The following RAPGEF6 variants were observed in gnomAD, a reference collection of about 807,000 sequenced individuals.
RAPGEF6 encodes the protein Rap guanine nucleotide exchange factor 6, also known as PDZ domain containing guanine nucleotide exchange factor (GEF) 2.
RAPGEF6 carries 56 observed loss-of-function variants against 171.4 expected under a neutral mutation model. The ratio of observed to expected loss-of-function variants is 0.33; its 90% confidence interval spans 0.26 to 0.41. RAPGEF6 has a LOEUF of 0.41. Among genes scored for constraint, RAPGEF6 ranks in the 10% least tolerant of loss-of-function variants. The pLI, the probability that RAPGEF6 is intolerant of heterozygous loss-of-function variation, is 1.00. For synonymous variants in RAPGEF6, 692 were observed against 650.1 expected (o/e 1.06, Z -0.98); for missense variants, 1,674 against 1,921.4 (o/e 0.87, Z 2.41).
At position 131,453,708 on chromosome 5, in the gene RAPGEF6, G is replaced by T. The variant is rs1753274530; in HGVS notation, c.3077-531C>A. 2.6e-5 allele frequency among the ~76,000 whole-genome samples: 4 copies of T among 152,188 alleles called. No homozygotes were observed. The South Asian group carries it at 8.3e-4, about 31-fold the overall frequency. ...AGCATGACCCCATTTATCCCCCGAG[G>T]TAGACCCTGAGGTCTGTCAAAGTCC... On this transcript the variant is annotated intron_variant, in intron 20 of 27. Transcript: ENST00000509018.
At chr5:131,515,373 T>C (rs1056646631) in intron 7 of RAPGEF6, among the ~76,000 whole-genome samples, 7 of 152,150 alleles carry the variant, frequency 4.6e-5, no homozygotes, top group African/African-American at 1.7e-4. Context: ...GCAGGCAAAA[T>C]CAAGTCTCTT....
intron 4 of RAPGEF6, among the ~76,000 whole-genome samples, chr5:131,569,702 A>G (rs531035022): frequency 1.4e-4 from 21 of 152,290 alleles, no homozygotes; most frequent in Non-Finnish European, 5.9e-5. Flanking sequence ...CTTAAAGTAG[A>G]TATCATCAAT....
intron 4 of RAPGEF6, among the ~76,000 whole-genome samples, chr5:131,567,687 T>G (rs1231843284): frequency 6.6e-6 from 1 of 152,154 alleles, no homozygotes; most frequent in Non-Finnish European, 1.5e-5. Flanking sequence ...GAATGACCCA[T>G]AAATCTTGAA....
At chr5:131,632,380 A>C (rs1396171738) in intron 1 of RAPGEF6, among the ~76,000 whole-genome samples, 1 of 152,190 alleles carries the variant, frequency 6.6e-6, no homozygotes, top group Non-Finnish European at 1.5e-5. Flanking sequence ...CATCACATGC[A>C]TCAAGTCTTT....
At chr5:131,617,605 A>G (rs1561611535) in intron 1 of RAPGEF6, among the ~76,000 whole-genome samples, 1 of 150,826 alleles carries the variant, frequency 6.6e-6, no homozygotes, top group Non-Finnish European at 1.5e-5. Context: ...GGCGCCCACC[A>G]CCACCCCCAG....
chr5:131,502,105 C>T (rs1757060638), intron 11 of RAPGEF6, among the ~76,000 whole-genome samples: 1 of 152,054 alleles, frequency 6.6e-6, no homozygotes, highest in Non-Finnish European at 1.5e-5. Context: ...GTTTAAGAGT[C>T]CCACTACCTA....
chr5:131,528,205 A>G (rs1759063707), intron 6 of RAPGEF6, among the ~76,000 whole-genome samples: 1 of 125,824 alleles, frequency 7.9e-6, no homozygotes, highest in South Asian at 2.2e-4. Context: ...TATATATATT[A>G]TATATAAATA....
At chr5:131,607,148 A>G (rs1419785556) in intron 1 of RAPGEF6, among the ~76,000 whole-genome samples, 1 of 152,204 alleles carries the variant, frequency 6.6e-6, no homozygotes, top group Non-Finnish European at 1.5e-5. Context: ...AGCCGTCACA[A>G]TGGAAAAAGC....
chr5:131,607,124 A>G (rs961465392), intron 1 of RAPGEF6, among the ~76,000 whole-genome samples: 2 of 152,158 alleles, frequency 1.3e-5, no homozygotes, highest in African/African-American at 4.8e-5. Context: ...TGGGTCCATG[A>G]CCTGTGTGGT....
intron 6 of RAPGEF6, among the ~76,000 whole-genome samples, chr5:131,535,986 G>A (rs1296946280): frequency 6.6e-6 from 1 of 151,884 alleles, no homozygotes; most frequent in Non-Finnish European, 1.5e-5. Flanking sequence ...ACTAACCCAG[G>A]CATTTTATTT....
In RAPGEF6 at chr5:131,453,168, G is replaced by A. The variant is rs983479831; in HGVS notation, c.3086C>T (p.Ser1029Phe). 2 of 1,606,266 alleles carry A rather than the reference G, an allele frequency of 1.2e-6. No individual in the cohort carries two copies. Among genetic ancestry groups the A allele is most frequent in the Middle Eastern group, 1.7e-4 (1 of 6,042 alleles). ...AAAGTTTACTAAACCATCTACTTTG[G>A]AGTCATTTCCTATAGAATGAAAATA... ...DMTFLHEGND[S>F]KVDGLVNFEK... Residue 1029 changes from serine (S) to phenylalanine (F), a missense_variant, in exon 21 of 28, where the codon TCC becomes TTC. This residue lies in a region of RAPGEF6 where 1,116 missense variants were observed against 1,321.5 expected (regional missense o/e 0.84). Coordinates refer to ENST00000509018, the MANE Select transcript of RAPGEF6 (RefSeq NM_016340.6).
intron 13 of RAPGEF6, among the ~76,000 whole-genome samples, chr5:131,495,234 G>A (rs927950652): frequency 3.3e-5 from 5 of 151,670 alleles, no homozygotes; most frequent in Non-Finnish European, 4.4e-5. Context: ...AGCGGAGGTC[G>A]CAGTGAGCCA....
At chr5:131,561,636 GGCACCAAGA>G (rs1761606848) in intron 5 of RAPGEF6, among the ~76,000 whole-genome samples, 1 of 147,218 alleles carries the variant, frequency 6.8e-6, no homozygotes, top group African/African-American at 2.6e-5. Context: ...CTCCAGCCTG[GGCACCAAGA>G]ATGAAACTCT....
intron 16 of RAPGEF6, among the ~76,000 whole-genome samples, chr5:131,478,917 C>G (rs1216706755): frequency 1.3e-5 from 2 of 152,124 alleles, no homozygotes; most frequent in African/African-American, 4.8e-5. Context: ...AAGTATTGTA[C>G]TGCTCTTGAT....
chr5:131,576,222 T>C (rs1235193844), intron 4 of RAPGEF6, among the ~76,000 whole-genome samples: 1 of 152,152 alleles, frequency 6.6e-6, no homozygotes, highest in African/African-American at 2.4e-5. Flanking sequence ...GGTTTACTGA[T>C]GGTAGTTCTT....
chr5:131,529,483 A>T (rs545180643), intron 6 of RAPGEF6, among the ~76,000 whole-genome samples: 9 of 150,468 alleles, frequency 6.0e-5, no homozygotes, highest in East Asian at 4.0e-4. Flanking sequence ...CAAAAAAAAA[A>T]AATAATAATC....
intron 4 of RAPGEF6, among the ~76,000 whole-genome samples, chr5:131,571,740 A>G (rs1374543046): frequency 6.6e-6 from 1 of 152,202 alleles, no homozygotes; most frequent in African/African-American, 2.4e-5. Context: ...ACGGAACTGC[A>G]AAGAACATAT....
chr5:131,623,851 G>C (rs1436258400), intron 1 of RAPGEF6, among the ~76,000 whole-genome samples: 1 of 152,212 alleles, frequency 6.6e-6, no homozygotes, highest in East Asian at 1.9e-4. Flanking sequence ...CAAGTACTGT[G>C]TAATGAACAC....
chr5:131,594,809 C>T (rs772909182), intron 3 of RAPGEF6, among the ~76,000 whole-genome samples: 3 of 152,188 alleles, frequency 2.0e-5, no homozygotes, highest in East Asian at 3.8e-4. Flanking sequence ...TGCTGGGTTT[C>T]GGACTAGCAT....
Sources: allele counts gnomAD v4.1 joint callset (sites outside exome capture counted in the v4.1 genomes callset), GRCh38; gene constraint gnomAD v4.1.1; regional missense constraint gnomAD v4.1.1; transcripts MANE v1.5; gene names NCBI Gene and HGNC (gene_info 2026-07-23, HGNC 2026-07-21).